The following NOS1AP variants were observed in gnomAD, a reference collection of about 807,000 sequenced individuals.
NOS1AP encodes the protein carboxyl-terminal PDZ ligand of neuronal nitric oxide synthase protein.
In NOS1AP, 21 loss-of-function variants were observed where a neutral mutation model predicts 56.2. That is an observed-to-expected ratio of 0.37 (90% CI 0.26 to 0.54). The LOEUF (loss-of-function observed/expected upper bound fraction) is 0.54, where lower values mean the gene tolerates loss of function less well. NOS1AP is among the 20% of genes least tolerant of loss of function. The pLI is 0.84. For synonymous variants in NOS1AP, 270 were observed against 274.6 expected (o/e 0.98, Z 0.17); for missense variants, 522 against 657.8 (o/e 0.79, Z 2.26).
chr1:162,205,844 G>A (rs578248129), intron 2 of NOS1AP, among the ~76,000 whole-genome samples: 25 of 152,166 alleles, frequency 1.6e-4, no homozygotes, highest in Non-Finnish European at 2.6e-4. Flanking sequence ...GTGGCTCTTC[G>A]ATAGCCTAAA....
chr1:162,236,079 A>C (rs1653280940), intron 2 of NOS1AP, among the ~76,000 whole-genome samples: 1 of 152,182 alleles, frequency 6.6e-6, no homozygotes, highest in South Asian at 2.1e-4. Flanking sequence ...AATATAGGTT[A>C]GTTAAATTCT....
chr1:162,260,975 A>G lies in NOS1AP; in HGVS notation c.178-26369A>G, dbSNP rs976466228. Among the ~76,000 whole-genome samples, 3 of 143,316 alleles carry G rather than the reference A, an allele frequency of 2.1e-5. 1 individual carries two copies. Among genetic ancestry groups the G allele is most frequent in the Admixed American group, 7.3e-5 (1 of 13,750 alleles). The allele number at this position is 143,316 out of a possible 152,430, so 94.0% of individuals were successfully genotyped here. The stretch of plus-strand genomic sequence containing the variant: ...GATGATTTCCTCAAAGTTTCAAGCA[A>G]TAATTATTTCATTAGAATTTGTTAT... On this transcript the variant is annotated intron_variant, in intron 2 of 9. Coordinates refer to ENST00000361897, the MANE Select transcript of NOS1AP (RefSeq NM_014697.3).
At chr1:162,359,449 A>G (rs952978621) in intron 8 of NOS1AP, among the ~76,000 whole-genome samples, 15 of 152,172 alleles carry the variant, frequency 9.9e-5, no homozygotes, top group African/African-American at 3.6e-4. Context: ...CCAGGACCAC[A>G]GCAGGGATAT....
chr1:162,300,572 C>A, intron 3 of NOS1AP, 61 bp from the exon 4 acceptor site: 2 of 1,399,576 alleles, frequency 1.4e-6, no homozygotes, highest in Non-Finnish European at 1.0e-6. Context: ...CATAAGTATG[C>A]ATAGCTCAGT....
At chr1:162,140,349 A>G (rs1222770780) in intron 1 of NOS1AP, among the ~76,000 whole-genome samples, 3 of 83,906 alleles carry the variant, frequency 3.6e-5, no homozygotes, top group African/African-American at 1.2e-4. Flanking sequence ...GGTCTGTTAC[A>G]TGGGTATACC....
intron 5 of NOS1AP, 131 bp from the exon 6 acceptor site, chr1:162,343,704 A>T: frequency 1.0e-6 from 1 of 974,142 alleles, no homozygotes; most frequent in Admixed American, 1.7e-5. Context: ...ATGTCTTTGC[A>T]CTCATTTGTA....
At chr1:162,237,942 G>A (rs1653359034) in intron 2 of NOS1AP, among the ~76,000 whole-genome samples, 1 of 152,170 alleles carries the variant, frequency 6.6e-6, no homozygotes, top group Admixed American at 6.5e-5. Flanking sequence ...TGAGAGGAGT[G>A]TGAAGCACTT....
At chr1:162,226,113 G>A (rs1269050407) in intron 2 of NOS1AP, among the ~76,000 whole-genome samples, 1 of 151,824 alleles carries the variant, frequency 6.6e-6, no homozygotes, top group Non-Finnish European at 1.5e-5. Flanking sequence ...GACCAACATG[G>A]AGAAACCCTG....
At chr1:162,101,098 T>A (rs536245211) in intron 1 of NOS1AP, among the ~76,000 whole-genome samples, 4 of 152,346 alleles carry the variant, frequency 2.6e-5, no homozygotes, top group African/African-American at 9.6e-5. Context: ...TAATCCATCT[T>A]CAGTTAATTT....
chr1:162,161,241 A>T (rs940683211), intron 2 of NOS1AP, among the ~76,000 whole-genome samples: 1 of 152,186 alleles, frequency 6.6e-6, no homozygotes, highest in African/African-American at 2.4e-5. Context: ...GTGAGGTAAC[A>T]CATTCATAGG....
chr1:162,328,479 G>A (rs1656663307), intron 4 of NOS1AP, among the ~76,000 whole-genome samples: 1 of 152,250 alleles, frequency 6.6e-6, no homozygotes, highest in Non-Finnish European at 1.5e-5. Flanking sequence ...GATGGAACTA[G>A]AGCAGTAGTG....
At chr1:162,279,505 G>A (rs1654849950) in intron 2 of NOS1AP, among the ~76,000 whole-genome samples, 1 of 152,178 alleles carries the variant, frequency 6.6e-6, no homozygotes, top group African/African-American at 2.4e-5. Context: ...CCTTCTCAAC[G>A]TTCCAAACAG....
chr1:162,083,931 C>A (rs978779423), intron 1 of NOS1AP, among the ~76,000 whole-genome samples: 6 of 152,148 alleles, frequency 3.9e-5, no homozygotes, highest in African/African-American at 1.4e-4. Context: ...CTCAGCTGCT[C>A]ATTGGAATCT....
At chr1:162,324,852 G>C (rs961835225) in intron 4 of NOS1AP, among the ~76,000 whole-genome samples, 1 of 152,040 alleles carries the variant, frequency 6.6e-6, no homozygotes, top group South Asian at 2.1e-4. Context: ...ACTGTCTCTC[G>C]AGGTCTCTCC....
intron 5 of NOS1AP, among the ~76,000 whole-genome samples, chr1:162,341,472 T>C (rs1370148746): frequency 2.0e-5 from 3 of 152,216 alleles, no homozygotes; most frequent in Non-Finnish European, 1.5e-5. Flanking sequence ...ATTAAACACT[T>C]AATCTCTACA....
chr1:162,127,761 A>G (rs1433326794), intron 1 of NOS1AP, among the ~76,000 whole-genome samples: 1 of 152,182 alleles, frequency 6.6e-6, no homozygotes, highest in Non-Finnish European at 1.5e-5. Context: ...GGACAGTACC[A>G]AATGGAATGG....
chr1:162,258,462 C>T lies in NOS1AP; in HGVS notation c.178-28882C>T, dbSNP rs137910231. 7.2e-5 allele frequency among the ~76,000 whole-genome samples: 11 copies of T among 152,146 alleles called. No homozygotes were observed. In the East Asian group the frequency reaches 2.1e-3, roughly 29 times the overall value. The stretch of plus-strand genomic sequence containing the variant: ...GCATCTTATCTGGAATCTTTTCCTC[C>T]CATGGAATCCACCACTACTTCTCCC... On this transcript the variant is annotated intron_variant, in intron 2 of 9. Transcript: ENST00000361897.
intron 6 of NOS1AP, among the ~76,000 whole-genome samples, chr1:162,353,796 C>T (rs956040490): frequency 6.6e-6 from 1 of 152,202 alleles, no homozygotes; most frequent in African/African-American, 2.4e-5. Flanking sequence ...GCACCACCCA[C>T]CTACCGACCC....
chr1:162,251,642 G>A (rs1653853960), intron 2 of NOS1AP, among the ~76,000 whole-genome samples: 1 of 151,110 alleles, frequency 6.6e-6, no homozygotes, highest in African/African-American at 2.4e-5. Context: ...GTCTGTGTGT[G>A]TGTATAAATA....
Sources: gnomAD v4.1 joint callset for allele counts (sites outside exome capture counted in the v4.1 genomes callset) on GRCh38, gnomAD v4.1.1 for gene constraint, MANE v1.5 for transcripts, NCBI Gene and HGNC (gene_info 2026-07-23, HGNC 2026-07-21) for gene names.